Variants in MAGI2 observed in about 807,000 individuals in gnomAD.
MAGI2 encodes the protein membrane-associated guanylate kinase, WW and PDZ domain-containing protein 2.
MAGI2 carries 35 observed loss-of-function variants against 133.3 expected under a neutral mutation model. The ratio of observed to expected loss-of-function variants is 0.26; its 90% CI spans 0.20 to 0.35. MAGI2 has a LOEUF of 0.35. Among genes scored for constraint, MAGI2 ranks in the 10% least tolerant of loss-of-function variants. MAGI2 has a pLI of 1.00. For missense variants in MAGI2, 1,636 were observed against 1,863.4 expected (o/e 0.88, Z 2.25); for synonymous variants, 729 against 710.6 (o/e 1.03, Z -0.41).
chr7:79,126,594 C>T (rs1820425503), intron 1 of MAGI2, among the ~76,000 whole-genome samples: 1 of 152,026 alleles, frequency 6.6e-6, no homozygotes, highest in South Asian at 2.1e-4. Context: ...AAGCCAGAGA[C>T]TTACAAATTC....
intron 9 of MAGI2, among the ~76,000 whole-genome samples, chr7:78,329,234 G>A (rs775393688): frequency 2.0e-5 from 3 of 152,146 alleles, no homozygotes; most frequent in Non-Finnish European, 2.9e-5. Flanking sequence ...GATATTTGCA[G>A]ACTCCAGTGC....
At chr7:79,338,458 A>G (rs1413441132) in intron 1 of MAGI2, among the ~76,000 whole-genome samples, 1 of 152,196 alleles carries the variant, frequency 6.6e-6, no homozygotes, top group Non-Finnish European at 1.5e-5. Context: ...CCATAAGAGC[A>G]TGCAGTAACA....
chr7:78,240,569 T>C lies in MAGI2; in HGVS notation c.2047+15374A>G, dbSNP rs560343244. 3.3e-5 allele frequency among the ~76,000 whole-genome samples: 5 copies of C among 152,292 alleles called. No homozygotes were observed. The East Asian group carries it at 7.7e-4, about 23-fold the overall frequency. On this transcript the variant is annotated intron_variant, in intron 10 of 21. Coordinates refer to ENST00000354212, the MANE Select transcript of MAGI2 (RefSeq NM_012301.4). ...GGCAAATACTGCATGATCTTACTCATGTGGAATCTAAAAAAGTTGATTTCA... is the reference window on the plus strand; with the variant it reads ...GGCAAATACTGCATGATCTTACTCACGTGGAATCTAAAAAAGTTGATTTCA...
At chr7:79,168,885 G>GATAGAT (rs1460647958) in intron 1 of MAGI2, among the ~76,000 whole-genome samples, 5 of 138,836 alleles carry the variant, frequency 3.6e-5, no homozygotes, top group Admixed American at 7.4e-5. Context: ...TCTTTCTAAA[G>GATAGAT]ATAGATATAT....
intron 3 of MAGI2, among the ~76,000 whole-genome samples, chr7:78,612,431 C>T (rs967045973): frequency 7.9e-5 from 12 of 151,890 alleles, no homozygotes; most frequent in South Asian, 4.1e-4. Flanking sequence ...TGAGTATTAA[C>T]GGGATGCTTT....
chr7:78,796,166 G>GTGTTTTCTT (rs1787594836), intron 2 of MAGI2, among the ~76,000 whole-genome samples: 1 of 152,116 alleles, frequency 6.6e-6, no homozygotes, highest in Admixed American at 6.6e-5. Flanking sequence ...CTTTTACACA[G>GTGTTTTCTT]CAAAGGAAAT....
intron 21 of MAGI2, among the ~76,000 whole-genome samples, chr7:78,054,220 G>A (rs1170652966): frequency 6.6e-6 from 1 of 152,024 alleles, no homozygotes; most frequent in Non-Finnish European, 1.5e-5. Context: ...CTGCCTCCTG[G>A]GTTCCAGCTA....
intron 2 of MAGI2, among the ~76,000 whole-genome samples, chr7:78,734,032 T>C (rs1426281327): frequency 6.6e-6 from 1 of 152,230 alleles, no homozygotes; most frequent in Non-Finnish European, 1.5e-5. Flanking sequence ...AACAACTATA[T>C]GGATTGAACC....
chr7:78,199,648 A>G (rs1184198064), intron 11 of MAGI2, among the ~76,000 whole-genome samples: 1 of 152,170 alleles, frequency 6.6e-6, no homozygotes, highest in Non-Finnish European at 1.5e-5. Flanking sequence ...AGTCCTCAAG[A>G]GTTTCTGGTA....
At chr7:79,344,092 A>G (rs535755965) in intron 1 of MAGI2, among the ~76,000 whole-genome samples, 1 of 152,258 alleles carries the variant, frequency 6.6e-6, no homozygotes, top group East Asian at 1.9e-4. Flanking sequence ...ATGAATCCAA[A>G]TCCCCTGACC....
chr7:78,796,324 A>G (rs1037720763), intron 2 of MAGI2, among the ~76,000 whole-genome samples: 6 of 152,126 alleles, frequency 3.9e-5, no homozygotes, highest in Non-Finnish European at 4.4e-5. Context: ...AATGATCAAA[A>G]GACCTGAATA....
chr7:78,732,654 G>A (rs1415725652), intron 2 of MAGI2, among the ~76,000 whole-genome samples: 1 of 152,140 alleles, frequency 6.6e-6, no homozygotes, highest in African/African-American at 2.4e-5. Flanking sequence ...AAATTTTCAA[G>A]ATGTTTAAAA....
intron 16 of MAGI2, among the ~76,000 whole-genome samples, chr7:78,135,874 T>C (rs192206087): frequency 7.9e-5 from 12 of 152,298 alleles, no homozygotes; most frequent in Admixed American, 2.6e-4. Flanking sequence ...GGTGCTGATA[T>C]CTTGCTAATG....
At chr7:78,719,741 TA>T (rs1308593036) in intron 2 of MAGI2, among the ~76,000 whole-genome samples, 7 of 152,322 alleles carry the variant, frequency 4.6e-5, no homozygotes, top group Admixed American at 4.6e-4. Flanking sequence ...CTGGCTGCAG[TA>T]CTATCAATAG....
intron 1 of MAGI2, among the ~76,000 whole-genome samples, chr7:79,343,682 G>C (rs145571756): frequency 1.3e-5 from 2 of 152,042 alleles, no homozygotes; most frequent in Admixed American, 6.6e-5. Flanking sequence ...GCTCCCTGTA[G>C]CTAATCACTG....
intron 6 of MAGI2, among the ~76,000 whole-genome samples, chr7:78,379,477 A>G (rs552154728): frequency 6.6e-6 from 1 of 152,136 alleles, no homozygotes; most frequent in East Asian, 1.9e-4. Context: ...TTATAACAAT[A>G]AAGGTCACAA....
intron 21 of MAGI2, among the ~76,000 whole-genome samples, chr7:78,070,214 TATATACACACAC>T (rs1398663185): frequency 9.6e-4 from 51 of 52,904 alleles, no homozygotes; most frequent in African/African-American, 2.2e-3. Context: ...TATATATATA[TATATACACACAC>T]ACACACAGAC....
intron 1 of MAGI2, among the ~76,000 whole-genome samples, chr7:79,177,609 A>T (rs994141135): frequency 8.6e-5 from 13 of 152,044 alleles, no homozygotes; most frequent in African/African-American, 3.1e-4. Flanking sequence ...TTTTCTATGC[A>T]CTCAGCAAAA....
intron 6 of MAGI2, among the ~76,000 whole-genome samples, chr7:78,392,038 A>G (rs1447876421): frequency 6.6e-6 from 1 of 152,188 alleles, no homozygotes; most frequent in Non-Finnish European, 1.5e-5. Context: ...TTCGACAGAC[A>G]CATCGTTTCG....
Sources: gnomAD v4.1 joint callset for allele counts (sites outside exome capture counted in the v4.1 genomes callset) on GRCh38, gnomAD v4.1.1 for gene constraint, MANE v1.5 for transcripts, NCBI Gene and HGNC (gene_info 2026-07-23, HGNC 2026-07-21) for gene names.